The following CACNA1D variants were observed in gnomAD, a reference collection of about 807,000 sequenced individuals.
The protein encoded by CACNA1D is voltage-dependent L-type calcium channel subunit alpha-1D.
Under a neutral mutation model 257.1 loss-of-function variants are expected in CACNA1D, and 55 were observed. That is an observed-to-expected ratio of 0.21 (90% CI 0.17 to 0.27). The LOEUF (loss-of-function observed/expected upper bound fraction) is 0.27, where lower values mean the gene tolerates loss of function less well. Among genes scored for constraint, CACNA1D ranks in the 10% least tolerant of loss-of-function variants. CACNA1D has a pLI of 1.00. For synonymous variants in CACNA1D, 980 were observed against 1,014.9 expected (o/e 0.97, Z 0.65); for missense variants, 1,876 against 2,784.0 (o/e 0.67, Z 7.34).
chr3:53,756,451 C>G (rs1021583001), intron 29 of CACNA1D, among the ~76,000 whole-genome samples: 5 of 152,156 alleles, frequency 3.3e-5, no homozygotes, highest in African/African-American at 1.2e-4. Context: ...TTTTGGAGCA[C>G]TGGTCAGGCA....
At chr3:53,545,287 G>A (rs2092387470) in intron 3 of CACNA1D, among the ~76,000 whole-genome samples, 2 of 152,326 alleles carry the variant, frequency 1.3e-5, no homozygotes, top group South Asian at 4.1e-4. Context: ...ACAGTAATGG[G>A]CCGATGATGA....
intron 45 of CACNA1D, 192 bp from the exon 46 acceptor site, chr3:53,808,457 C>T (rs1329823669): frequency 3.2e-6 from 2 of 633,590 alleles, no homozygotes; most frequent in African/African-American, 1.8e-5. Context: ...AAAAAACATC[C>T]CTCACTGGGG....
intron 9 of CACNA1D, among the ~76,000 whole-genome samples, chr3:53,707,045 G>A (rs868117517): frequency 6.6e-6 from 1 of 152,086 alleles, no homozygotes; most frequent in African/African-American, 2.4e-5. Context: ...TTTCGAGATA[G>A]GGCAGCACAG....
At chr3:53,737,730 G>C (rs1431093576) in intron 20 of CACNA1D, among the ~76,000 whole-genome samples, 2 of 152,230 alleles carry the variant, frequency 1.3e-5, no homozygotes, top group Non-Finnish European at 2.9e-5. Context: ...GGCTGAGGCA[G>C]GAGAATCGCT....
intron 3 of CACNA1D, among the ~76,000 whole-genome samples, chr3:53,560,715 A>G (rs2092722236): frequency 2.0e-5 from 3 of 152,212 alleles, no homozygotes; most frequent in South Asian, 2.1e-4. Context: ...TGACACTGAA[A>G]TTTGAATTTC....
chr3:53,620,828 AT>A (rs1377361701), intron 3 of CACNA1D, among the ~76,000 whole-genome samples: 1 of 152,204 alleles, frequency 6.6e-6, no homozygotes, highest in Non-Finnish European at 1.5e-5. Context: ...CAGATCTGCT[AT>A]GTGAAAGCCT....
intron 14 of CACNA1D, among the ~76,000 whole-genome samples, chr3:53,725,608 G>A (rs572831072): frequency 6.6e-6 from 1 of 152,320 alleles, no homozygotes; most frequent in Non-Finnish European, 1.5e-5. Flanking sequence ...TCAGTGGAGA[G>A]CATGCTTTGG....
At chr3:53,747,474 C>T (rs750614607) in intron 26 of CACNA1D, 26 bp downstream of exon 26, 25 of 1,613,316 alleles carry the variant, frequency 1.5e-5, no homozygotes, top group Non-Finnish European at 2.0e-5. Flanking sequence ...ACACAGTCTT[C>T]TGGAGAGGCA....
intron 44 of CACNA1D, among the ~76,000 whole-genome samples, chr3:53,804,100 T>A (rs556038273): frequency 6.6e-6 from 1 of 152,272 alleles, no homozygotes; most frequent in African/African-American, 2.4e-5. Flanking sequence ...TGTTTGTTAG[T>A]ACAATGGGCA....
At chr3:53,555,016 G>T (rs1359798053) in intron 3 of CACNA1D, among the ~76,000 whole-genome samples, 9 of 152,134 alleles carry the variant, frequency 5.9e-5, no homozygotes, top group Admixed American at 5.9e-4. Flanking sequence ...AAATATGTAG[G>T]ATTATGACAT....
intron 8 of CACNA1D, chr3:53,674,045 A>G (rs2108419446): frequency 1.6e-6 from 1 of 611,492 alleles, no homozygotes; most frequent in African/African-American, 1.8e-5. Context: ...ACGTTCCCCC[A>G]AAGCCAGTTG....
chr3:53,634,314 G>T (rs2093856315), intron 3 of CACNA1D, among the ~76,000 whole-genome samples: 1 of 152,158 alleles, frequency 6.6e-6, no homozygotes. Context: ...TTAAAATGAT[G>T]ATTGTCCTCC....
chr3:53,740,532 G>A (rs186709757), intron 21 of CACNA1D, 193 bp downstream of exon 21: 1 of 584,026 alleles, frequency 1.7e-6, no homozygotes, highest in Admixed American at 2.9e-5. Flanking sequence ...GTGACACACA[G>A]GAAAGAAGCG....
chr3:53,615,058 A>T (rs931263156), intron 3 of CACNA1D, among the ~76,000 whole-genome samples: 1 of 152,254 alleles, frequency 6.6e-6, no homozygotes, highest in African/African-American at 2.4e-5. Flanking sequence ...AGGCAAATAG[A>T]AAATATGCAA....
chr3:53,644,569 T>C (rs895101903), intron 3 of CACNA1D, among the ~76,000 whole-genome samples: 2 of 152,244 alleles, frequency 1.3e-5, no homozygotes, highest in African/African-American at 4.8e-5. Flanking sequence ...GATCATGCAG[T>C]ATTTGCCTTT....
intron 45 of CACNA1D, among the ~76,000 whole-genome samples, chr3:53,805,499 T>G (rs542035117): frequency 2.0e-5 from 3 of 152,276 alleles, no homozygotes; most frequent in African/African-American, 7.2e-5. Flanking sequence ...ATGCTTTTGC[T>G]GTTGTCAGCC....
rs1559498047 is a variant in CACNA1D, at chr3:53,673,662, C to T, written c.1220+536C>T. 1 of 1,379,238 alleles carries T rather than the reference C, an allele frequency of 7.3e-7. No homozygotes were observed. Among genetic ancestry groups the T allele is most frequent in the Non-Finnish European group, 1.0e-6 (1 of 965,652 alleles). The allele number at this position is 1,379,238 out of a possible 1,614,324, so 85.4% of individuals were successfully genotyped here. On this transcript the variant is annotated intron_variant, in intron 8 of 47. Transcript: ENST00000350061. The surrounding 1 kb of genome is among the most constrained non-coding windows in gnomAD (Gnocchi z 4.1). ...AGGTTTGGCAGCTGCAACTGGGGCT[C>T]TGCTCTTTAGTAAATGGATAACTGA...
chr3:53,640,411 G>A (rs145334559), intron 3 of CACNA1D, among the ~76,000 whole-genome samples: 28 of 152,342 alleles, frequency 1.8e-4, no homozygotes, highest in Middle Eastern at 3.4e-3. Flanking sequence ...ACTAAGACAA[G>A]ATTGCTGGCC....
At position 53,666,478 on chromosome 3, in the gene CACNA1D, C is replaced by G; in HGVS notation, c.1059C>G (p.Ala353=). 1.2e-6 allele frequency: 2 copies of G among 1,614,200 alleles called. No homozygotes were observed. The highest frequency in any genetic ancestry group is 1.7e-6 in the Non-Finnish European group (2 of 1,180,030). The part of the protein sequence containing the change: ...GITNFDNFAF[A]MLTVFQCITM... ...CCAACTTTGATAACTTTGCCTTTGC[C>G]ATGCTTACTGTGTTTCAGTGCATCA... The change falls in exon 7 of 48, where the codon GCC becomes GCG. Residue 353 remains alanine, a synonymous_variant. Transcript: ENST00000350061.
Sources: gnomAD v4.1 joint callset for allele counts (sites outside exome capture counted in the v4.1 genomes callset) on GRCh38, gnomAD v4.1.1 for gene constraint, Gnocchi (gnomAD v3.1) non-coding constraint, MANE v1.5 for transcripts, NCBI Gene and HGNC (gene_info 2026-07-23, HGNC 2026-07-21) for gene names.